CAVIN1: variants seen among roughly 807,000 people sequenced by gnomAD.
CAVIN1 encodes the protein caveolae-associated protein 1.
Under a neutral mutation model 24.0 loss-of-function variants are expected in CAVIN1, and 16 were observed. The observed-to-expected ratio is 0.67, with a 90% CI of 0.45 to 1.01. The LOEUF is 1.01. Among genes scored for constraint, CAVIN1 ranks in the 50% least tolerant of loss-of-function variants. The pLI is 0.00. For synonymous variants in CAVIN1, 256 were observed against 256.4 expected, an observed-to-expected ratio of 1.00 and a Z score of 0.02; for missense variants, 510 against 551.7, an observed-to-expected ratio of 0.92 and a Z score of 0.76.
chr17:42,405,391 A>G lies in CAVIN1; in HGVS notation c.472-3T>C. The G allele has an allele frequency of 1.2e-6, 2 of 1,603,092 alleles. No individual in the cohort carries two copies. The highest frequency in any genetic ancestry group is 8.5e-7 in the Non-Finnish European group (1 of 1,179,822). ...TTGGCCGGCAGCTTCACTTCATCCTAAGGGAAGAGGAGAAGGGACATGAGA... is the reference window on the plus strand; with the variant it reads ...TTGGCCGGCAGCTTCACTTCATCCTGAGGGAAGAGGAGAAGGGACATGAGA... On this transcript the variant is annotated splice_region_variant and splice_polypyrimidine_tract_variant and intron_variant, in intron 1 of 1. Coordinates refer to ENST00000357037, the MANE Select transcript of CAVIN1 (RefSeq NM_012232.6).
At position 42,411,521 on chromosome 17, in the gene CAVIN1, C is replaced by A. The variant is rs542205424; in HGVS notation, c.472-6133G>T. 1.2e-3 allele frequency: 1,189 copies of A among 985,334 alleles called. 1 individual carries two copies. The highest frequency in any genetic ancestry group is 1.4e-3 in the Non-Finnish European group (1,148 of 829,924). 61.0% of individuals were successfully genotyped at this position (985,334 alleles called of 1,614,324 possible). A position where few individuals can be genotyped will look rare whatever the true frequency, so the allele number is the denominator to read the frequency against. On this transcript the variant is annotated intron_variant, in intron 1 of 1. Coordinates refer to ENST00000357037, the MANE Select transcript of CAVIN1 (RefSeq NM_012232.6). ...GAGTTGGCAGCTTTTGGGCACCCCA[C>A]CCAAGGCAGGATCTGGCAAACATAA...
intron 1 of CAVIN1, among the ~76,000 whole-genome samples, chr17:42,422,403 G>A (rs1258569205): frequency 1.3e-5 from 2 of 152,122 alleles, no homozygotes; most frequent in Admixed American, 6.5e-5. Flanking sequence ...GGTGCAGAGC[G>A]CGCCCCTCTA....
Position 42,405,115 on chromosome 17 carries a change from G to C in CAVIN1, c.745C>G (p.Arg249Gly). 6.2e-7 allele frequency: 1 copy of C among 1,613,746 alleles called. No homozygotes were observed. ...AGGCGCGTCTTCTCCAGGTTCTCGCGGGTACGCACCTTGGTCTTCTCCATC... is the reference window on the plus strand; with the variant it reads ...AGGCGCGTCTTCTCCAGGTTCTCGCCGGTACGCACCTTGGTCTTCTCCATC... Reference protein sequence around the residue: ...EKMEKTKVRTRENLEKTRLKT... With the variant: ...EKMEKTKVRTGENLEKTRLKT... The change falls in exon 2 of 2, where the codon CGC (arginine) becomes GGC (glycine). Residue 249 changes from arginine to glycine, a missense_variant. Transcript: ENST00000357037.
At chr17:42,406,757 T>C (rs1487119904) in intron 1 of CAVIN1, among the ~76,000 whole-genome samples, 1 of 149,662 alleles carries the variant, frequency 6.7e-6, no homozygotes. Flanking sequence ...GACTCCTTCA[T>C]ACTGTTTGGC....
intron 1 of CAVIN1, among the ~76,000 whole-genome samples, chr17:42,409,687 C>G (rs553529861): frequency 2.6e-5 from 4 of 152,122 alleles, no homozygotes; most frequent in Admixed American, 1.3e-4. Context: ...CTTGGTCCCA[C>G]CCATCTGCTT....
intron 1 of CAVIN1, among the ~76,000 whole-genome samples, chr17:42,409,110 GT>G (rs1021642733): frequency 3.3e-5 from 5 of 151,208 alleles, no homozygotes; most frequent in Non-Finnish European, 7.4e-5. Flanking sequence ...GTTTTTGTTT[GT>G]TTGTTTTGAG....
At chr17:42,411,018 C>CACCA (rs2085473152) in intron 1 of CAVIN1, among the ~76,000 whole-genome samples, 1 of 148,050 alleles carries the variant, frequency 6.8e-6, no homozygotes, top group Non-Finnish European at 1.5e-5. Context: ...AGTTCGAAAC[C>CACCA]CCGTCTCTAC....
At chr17:42,421,616 A>G (rs898544776) in intron 1 of CAVIN1, among the ~76,000 whole-genome samples, 2 of 152,150 alleles carry the variant, frequency 1.3e-5, no homozygotes, top group African/African-American at 4.8e-5. Context: ...GAGGAGCAGC[A>G]TAGAAACCCG....
intron 1 of CAVIN1, among the ~76,000 whole-genome samples, chr17:42,418,817 C>T (rs536374988): frequency 5.3e-5 from 8 of 152,204 alleles, no homozygotes; most frequent in Non-Finnish European, 1.2e-4. Context: ...ATACTTGTCT[C>T]GAAATATCAC....
chr17:42,420,311 C>A (rs2085537730), intron 1 of CAVIN1, among the ~76,000 whole-genome samples: 1 of 152,242 alleles, frequency 6.6e-6, no homozygotes, highest in East Asian at 1.9e-4. Context: ...GCTATTTTTA[C>A]CTCCTTCCCT....
chr17:42,413,565 G>GAAAAAA (rs2085493446), intron 1 of CAVIN1, among the ~76,000 whole-genome samples: 23 of 62,606 alleles, frequency 3.7e-4, no homozygotes, highest in African/African-American at 1.3e-3. Context: ...TCTCAAAAAG[G>GAAAAAA]GAAAAAAAAA....
intron 1 of CAVIN1, among the ~76,000 whole-genome samples, chr17:42,416,040 G>C (rs545693782): frequency 1.3e-5 from 2 of 152,268 alleles, no homozygotes; most frequent in African/African-American, 4.8e-5. Context: ...CCAGGAATTC[G>C]AGACCAGCCT....
intron 1 of CAVIN1, among the ~76,000 whole-genome samples, chr17:42,419,155 T>C: frequency 6.6e-6 from 1 of 152,110 alleles, no homozygotes; most frequent in East Asian, 1.9e-4. Flanking sequence ...TATGACTGTG[T>C]CACTGCACTC....
At chr17:42,420,058 C>CGAA (rs2085535944) in intron 1 of CAVIN1, among the ~76,000 whole-genome samples, 1 of 149,770 alleles carries the variant, frequency 6.7e-6, no homozygotes, top group Non-Finnish European at 1.5e-5. Context: ...ACAACGGGGG[C>CGAA]CTTCCCATCC....
chr17:42,404,702 C>A lies in CAVIN1; in HGVS notation c.1158G>T (p.Lys386Asn). 1 of 1,479,726 alleles carries A rather than the reference C, an allele frequency of 6.8e-7. No individual in the cohort carries two copies. The allele number at this position is 1,479,726 out of a possible 1,614,324, so 91.7% of individuals were successfully genotyped here. A position where few individuals can be genotyped will look rare whatever the true frequency, so the allele number is the denominator to read the frequency against. Residue 386 changes from lysine to asparagine, a missense_variant, in exon 2 of 2, where the codon AAG (lysine) becomes AAT (asparagine). Physicochemically the swap from Lys to Asn is moderately conservative, Grantham distance 94. Coordinates refer to ENST00000357037, the MANE Select transcript of CAVIN1 (RefSeq NM_012232.6). Reference sequence around the variant, plus strand: ...CGGGGGCGGCTCAGTCGCTGTCGCTCTTGTCCACCAGCACGGCGTCCGACT... The same window carrying A: ...CGGGGGCGGCTCAGTCGCTGTCGCTATTGTCCACCAGCACGGCGTCCGACT... Reference protein sequence around the residue: ...TEESDAVLVDKSDSD With the variant: ...TEESDAVLVDNSDSD
At chr17:42,414,393 G>C (rs1460824420) in intron 1 of CAVIN1, among the ~76,000 whole-genome samples, 1 of 151,820 alleles carries the variant, frequency 6.6e-6, no homozygotes, top group Non-Finnish European at 1.5e-5. Context: ...GAGAAATCAG[G>C]ATCCAAAACC....
intron 1 of CAVIN1, among the ~76,000 whole-genome samples, chr17:42,410,003 G>A (rs1476187101): frequency 1.3e-5 from 2 of 152,168 alleles, no homozygotes; most frequent in East Asian, 3.9e-4. Flanking sequence ...TGGATGCAGA[G>A]GAGCCACAGG....
At chr17:42,421,050 C>T (rs1452916609) in intron 1 of CAVIN1, among the ~76,000 whole-genome samples, 1 of 152,166 alleles carries the variant, frequency 6.6e-6, no homozygotes, top group Non-Finnish European at 1.5e-5. Flanking sequence ...CAAACATTTT[C>T]TATCTAAATA....
chr17:42,411,192 C>CAAAATAAAAAAA (rs2085474469), intron 1 of CAVIN1, among the ~76,000 whole-genome samples: 1 of 46,640 alleles, frequency 2.1e-5, no homozygotes, highest in Non-Finnish European at 3.7e-5. Context: ...GACTATGTCT[C>CAAAATAAAAAAA]AAAAAAAAAA....
Sources: allele counts gnomAD v4.1 joint callset (sites outside exome capture counted in the v4.1 genomes callset), GRCh38; gene constraint gnomAD v4.1.1; transcripts MANE v1.5; gene names NCBI Gene and HGNC (gene_info 2026-07-23, HGNC 2026-07-21).